Variants in VAT1L observed in about 807,000 individuals in gnomAD.
VAT1L encodes the protein putative NADPH-dependent quinone oxidoreductase VAT1L.
In VAT1L, 34 loss-of-function variants were observed where a neutral mutation model predicts 44.1. The ratio of observed to expected loss-of-function variants is 0.77; its 90% CI spans 0.59 to 1.03. The LOEUF (loss-of-function observed/expected upper bound fraction) is 1.03. VAT1L is among the 50% of genes least tolerant of loss of function. The pLI is 0.00. For missense variants in VAT1L, 615 were observed against 538.8 expected (o/e 1.14, Z -1.40); for synonymous variants, 253 against 202.2 (o/e 1.25, Z -2.13).
intron 7 of VAT1L, among the ~76,000 whole-genome samples, chr16:77,942,570 G>C (rs368547337): frequency 6.6e-6 from 1 of 152,120 alleles, no homozygotes; most frequent in South Asian, 2.1e-4. Context: ...ACTGCCTTTG[G>C]AGAAACAGAA....
At chr16:77,907,938 T>G (rs1274243192) in intron 7 of VAT1L, among the ~76,000 whole-genome samples, 1 of 152,088 alleles carries the variant, frequency 6.6e-6, no homozygotes, top group Non-Finnish European at 1.5e-5. Flanking sequence ...CTTCAGGCAA[T>G]GATAGAAAAG....
intron 7 of VAT1L, among the ~76,000 whole-genome samples, chr16:77,900,381 A>G (rs1416807787): frequency 6.6e-6 from 1 of 152,124 alleles, no homozygotes; most frequent in African/African-American, 2.4e-5. Flanking sequence ...ATATAACTAC[A>G]ATATACAACA....
At chr16:77,804,791 C>T (rs1468576906) in intron 1 of VAT1L, among the ~76,000 whole-genome samples, 2 of 152,110 alleles carry the variant, frequency 1.3e-5, no homozygotes, top group Non-Finnish European at 2.9e-5. Flanking sequence ...TCTTTAGCTC[C>T]AGCAGCCATG....
chr16:77,917,482 G>A (rs1172944924), intron 7 of VAT1L, among the ~76,000 whole-genome samples: 2 of 152,146 alleles, frequency 1.3e-5, no homozygotes, highest in Admixed American at 6.5e-5. Flanking sequence ...TCCTAATTCA[G>A]TCCCAATGAT....
At chr16:77,795,369 A>G (rs1455608479) in intron 1 of VAT1L, among the ~76,000 whole-genome samples, 1 of 152,226 alleles carries the variant, frequency 6.6e-6, no homozygotes, top group Non-Finnish European at 1.5e-5. Flanking sequence ...ATTTCAGAAA[A>G]TAAAAGCGAA....
At chr16:77,844,403 T>G (rs1398318028) in intron 3 of VAT1L, among the ~76,000 whole-genome samples, 2 of 147,864 alleles carry the variant, frequency 1.4e-5, no homozygotes, top group Non-Finnish European at 3.0e-5. Context: ...ACCAGTTTAT[T>G]TTTTATTTTT....
At chr16:77,860,058 C>T (rs989001937) in intron 3 of VAT1L, among the ~76,000 whole-genome samples, 4 of 152,174 alleles carry the variant, frequency 2.6e-5, no homozygotes, top group African/African-American at 4.8e-5. Flanking sequence ...AGAGAGAAGA[C>T]GGCGTGGAGA....
chr16:77,864,966 C>CATTT (rs2016956505), intron 4 of VAT1L, among the ~76,000 whole-genome samples: 1 of 140,848 alleles, frequency 7.1e-6, no homozygotes, highest in Non-Finnish European at 1.5e-5. Flanking sequence ...TTCTTCTTAT[C>CATTT]CTTTTTTTTT....
chr16:77,795,895 G>A (rs1017864067), intron 1 of VAT1L, among the ~76,000 whole-genome samples: 6 of 137,562 alleles, frequency 4.4e-5, no homozygotes, highest in African/African-American at 1.4e-4. Flanking sequence ...GCGCAATTTC[G>A]GCTCACTGCA....
intron 3 of VAT1L, among the ~76,000 whole-genome samples, chr16:77,856,359 C>A (rs1206899255): frequency 6.6e-6 from 1 of 152,154 alleles, no homozygotes; most frequent in East Asian, 1.9e-4. Flanking sequence ...AATCCTGAAT[C>A]TCAGTGCACT....
In VAT1L at chr16:77,980,098, C is replaced by T. The variant is rs942989903; in HGVS notation, c.*2403C>T. ...AATATAAATAAAGTATTCAGCATAG[C>T]AAAACCTCACCTGGCATCTGCTATT... On this transcript the variant is annotated 3_prime_UTR_variant, in exon 9 of 9. Coordinates refer to ENST00000302536, the MANE Select transcript of VAT1L (RefSeq NM_020927.3). 1 of 152,620 alleles carries T rather than the reference C, an allele frequency of 6.6e-6. No individual in the cohort carries two copies. Among genetic ancestry groups the T allele is most frequent in the African/African-American group, 2.4e-5 (1 of 41,444 alleles). The allele number at this position is 152,620 out of a possible 1,614,324, so 9.5% of individuals were successfully genotyped here.
At chr16:77,941,638 T>A (rs1222290413) in intron 7 of VAT1L, among the ~76,000 whole-genome samples, 1 of 152,088 alleles carries the variant, frequency 6.6e-6, no homozygotes, top group African/African-American at 2.4e-5. Context: ...CAGGCTGGAG[T>A]GCAATGGCAT....
At position 77,862,755 on chromosome 16, in the gene VAT1L, C is replaced by A; in HGVS notation, c.587C>A (p.Ala196Asp). ...VHSAGGGVGQ[A>D]VAQLCSTVPN... ...ATTGTCTTTTCCTTCCAGGGTCAAGCTGTGGCTCAGCTGTGTTCCACTGTC... is the reference window on the plus strand; with the variant it reads ...ATTGTCTTTTCCTTCCAGGGTCAAGATGTGGCTCAGCTGTGTTCCACTGTC... Residue 196 changes from alanine to aspartate, a missense_variant, in exon 4 of 9, where the codon GCT becomes GAT. Physicochemically the swap from Ala to Asp is moderately radical, Grantham distance 126. Coordinates refer to ENST00000302536, the MANE Select transcript of VAT1L (RefSeq NM_020927.3). 6.2e-7 allele frequency: 1 copy of A among 1,613,382 alleles called. No individual in the cohort carries two copies. The highest frequency in any genetic ancestry group is 8.5e-7 in the Non-Finnish European group (1 of 1,179,722).
At chr16:77,895,374 G>C (rs2017313216) in intron 7 of VAT1L, among the ~76,000 whole-genome samples, 1 of 151,968 alleles carries the variant, frequency 6.6e-6, no homozygotes, top group Non-Finnish European at 1.5e-5. Context: ...ACCTCATATG[G>C]CAAAAGGGAC....
chr16:77,825,870 A>AAG (rs2016514457), intron 3 of VAT1L, among the ~76,000 whole-genome samples: 1 of 149,750 alleles, frequency 6.7e-6, no homozygotes, highest in African/African-American at 2.5e-5. Context: ...AAAAAAAAAA[A>AAG]AAATTAGCCG....
intron 7 of VAT1L, among the ~76,000 whole-genome samples, chr16:77,928,757 A>AT (rs5818099): frequency 0.98 from 148,192 of 151,118 alleles, 72,710 homozygotes; most frequent in East Asian, 1. Context: ...GAGAGTAAGA[A>AT]TTTTTTTTTT....
In VAT1L at chr16:77,884,918, A is replaced by G. The variant is rs138794965; in HGVS notation, c.1077+116A>G. 1.6e-5 allele frequency: 19 copies of G among 1,168,662 alleles called. No homozygotes were observed. In the African/African-American group the frequency reaches 3.1e-4, roughly 19 times the overall value. The allele number at this position is 1,168,662 out of a possible 1,614,324, so 72.4% of individuals were successfully genotyped here. A position where few individuals can be genotyped will look rare whatever the true frequency, so the allele number is the denominator to read the frequency against. ...TTTTTCCCAGATGGGTTTGTTTTAA[A>G]TGAGGGTCCTAAAAGTCACCTGTAC... On this transcript the variant is annotated intron_variant, in intron 7 of 8. Coordinates refer to ENST00000302536, the MANE Select transcript of VAT1L (RefSeq NM_020927.3). The surrounding 1 kb of genome is among the most constrained non-coding windows in gnomAD (Gnocchi z 4.5).
intron 1 of VAT1L, among the ~76,000 whole-genome samples, chr16:77,805,034 G>T (rs1400469489): frequency 6.6e-6 from 1 of 152,140 alleles, no homozygotes; most frequent in Non-Finnish European, 1.5e-5. Flanking sequence ...TGTGGAACTG[G>T]TCACCAAGGG....
intron 3 of VAT1L, among the ~76,000 whole-genome samples, chr16:77,844,363 A>G (rs2016737083): frequency 1.3e-5 from 2 of 152,214 alleles, no homozygotes; most frequent in Non-Finnish European, 2.9e-5. Context: ...GTATACAGGA[A>G]GATGGGCATA....
Sources: gnomAD v4.1 joint callset for allele counts (sites outside exome capture counted in the v4.1 genomes callset) on GRCh38, gnomAD v4.1.1 for gene constraint, Gnocchi (gnomAD v3.1) non-coding constraint, MANE v1.5 for transcripts, NCBI Gene and HGNC (gene_info 2026-07-23, HGNC 2026-07-21) for gene names.